Variants in KCNQ1OT1 observed in about 807,000 individuals in gnomAD.
KCNQ1OT1 encodes the protein KCNQ1 antisense RNA 2 (non-protein coding).
At chr11:2,615,982 T>G in exon 1 of KCNQ1OT1, 1 of 398,206 alleles carries the variant, frequency 2.5e-6, no homozygotes, top group Non-Finnish European at 4.4e-6. Flanking sequence ...TGACGCCATC[T>G]GTGTAGCATT....
chr11:2,672,880 G>C (rs1291233870), exon 1 of KCNQ1OT1: 1 of 398,616 alleles, frequency 2.5e-6, no homozygotes, highest in South Asian at 1.3e-4. Context: ...CCACCTGACT[G>C]TCAGGGGAGC....
Position 2,645,959 on chromosome 11 carries a change from G to A in KCNQ1OT1, n.54036C>T, listed in dbSNP as rs1849659346. ...TAGTCTCAAGGCATCTATGGGTCAG[G>A]GGGTTCTCTGACTAGGATTTCAGGA... On this transcript the variant is annotated non_coding_transcript_exon_variant, in exon 1 of 1. Coordinates refer to ENST00000597346, the Ensembl canonical transcript of KCNQ1OT1. The surrounding 1 kb of genome is among the most constrained non-coding windows in gnomAD (Gnocchi z 5.8). 2.5e-6 allele frequency: 1 copy of A among 398,468 alleles called. No individual in the cohort carries two copies. The highest frequency in any genetic ancestry group is 2.1e-5 in the African/African-American group (1 of 48,572). 24.7% of individuals were successfully genotyped at this position (398,468 alleles called of 1,614,324 possible).
In KCNQ1OT1 at chr11:2,659,343, G is replaced by A. The variant is rs1341530845; in HGVS notation, n.40652C>T. On this transcript the variant is annotated non_coding_transcript_exon_variant, in exon 1 of 1. Transcript: ENST00000597346. The surrounding 1 kb of genome is among the most constrained non-coding windows in gnomAD (Gnocchi z 4.3). ...GTTTTTCTAGAATGTCCTATAAATGGGATCCTATAATATGTATTCTTTTGC... is the reference window on the plus strand; with the variant it reads ...GTTTTTCTAGAATGTCCTATAAATGAGATCCTATAATATGTATTCTTTTGC... The A allele has an allele frequency of 2.5e-6, 1 of 398,380 alleles. No homozygotes were observed. Among genetic ancestry groups the A allele is most frequent in the Non-Finnish European group, 4.4e-6 (1 of 226,032 alleles). The allele number at this position is 398,380 out of a possible 1,614,324, so 24.7% of individuals were successfully genotyped here.
exon 1 of KCNQ1OT1, chr11:2,660,932 A>G (rs747400588): frequency 1.8e-5 from 7 of 398,556 alleles, no homozygotes; most frequent in Non-Finnish European, 3.1e-5. Context: ...CTGAATGTCC[A>G]TGATATACAG....
chr11:2,668,741 T>G lies in KCNQ1OT1; in HGVS notation n.31254A>C. On this transcript the variant is annotated non_coding_transcript_exon_variant, in exon 1 of 1. Coordinates refer to ENST00000597346, the Ensembl canonical transcript of KCNQ1OT1. This position sits in a 1 kb window ranked among gnomAD's most constrained non-coding sequence, Gnocchi z 4.3. ...ACACATTGCAAATATCGCCTCCCCC[T>G]CTGCAGGCTGCCTTCTTCCTCTCTT... 2.5e-6 allele frequency: 1 copy of G among 398,596 alleles called. No homozygotes were observed. Among genetic ancestry groups the G allele is most frequent in the Non-Finnish European group, 4.4e-6 (1 of 226,054 alleles). The allele number at this position is 398,596 out of a possible 1,614,324, so 24.7% of individuals were successfully genotyped here. A position where few individuals can be genotyped will look rare whatever the true frequency, so the allele number is the denominator to read the frequency against.
exon 1 of KCNQ1OT1, chr11:2,693,370 C>T (rs1850620327): frequency 2.5e-6 from 1 of 398,766 alleles, no homozygotes; most frequent in Non-Finnish European, 4.4e-6. Context: ...CCGAGTCTGG[C>T]CAAGCAGCAG....
chr11:2,647,037 T>G lies in KCNQ1OT1; in HGVS notation n.52958A>C. The G allele has an allele frequency of 2.5e-6, 1 of 398,630 alleles. No homozygotes were observed. Among genetic ancestry groups the G allele is most frequent in the Non-Finnish European group, 4.4e-6 (1 of 226,060 alleles). The allele number at this position is 398,630 out of a possible 1,614,324, so 24.7% of individuals were successfully genotyped here. A position where few individuals can be genotyped will look rare whatever the true frequency, so the allele number is the denominator to read the frequency against. On this transcript the variant is annotated non_coding_transcript_exon_variant, in exon 1 of 1. Coordinates refer to ENST00000597346, the Ensembl canonical transcript of KCNQ1OT1. This position sits in a 1 kb window ranked among gnomAD's most constrained non-coding sequence, Gnocchi z 4.0. ...TTCTTACTCTGCTGAATAAGAATAG[T>G]GAAAGTGGGCATCCTTGTCTTGTTC...
chr11:2,697,292 C>T (rs778384129), exon 1 of KCNQ1OT1: 2 of 398,562 alleles, frequency 5.0e-6, no homozygotes, highest in Admixed American at 4.4e-5. Context: ...AGTCGTAACA[C>T]CAAAATGTTT....
At chr11:2,697,135 A>C in exon 1 of KCNQ1OT1, 1 of 398,612 alleles carries the variant, frequency 2.5e-6, no homozygotes, top group Non-Finnish European at 4.4e-6. Context: ...CAGAGGCAGC[A>C]CACCATGACC....
At chr11:2,637,400 T>G (rs890266353) in exon 1 of KCNQ1OT1, 1 of 152,252 alleles carries the variant, frequency 6.6e-6, no homozygotes, top group Non-Finnish European at 1.5e-5. Context: ...CTCATTGGTT[T>G]CAAAGAACAT....
At chr11:2,696,761 A>G (rs1850683364) in exon 1 of KCNQ1OT1, 4 of 398,476 alleles carry the variant, frequency 1.0e-5, no homozygotes, top group Middle Eastern at 6.2e-4. Context: ...TTTTTCCATA[A>G]AAGTCGTCGT....
rs1396599729 is a variant in KCNQ1OT1 at position 2,647,600 on chromosome 11, G to A, written n.52395C>T. ...ATGTTAGTTCTTTAAAGGTTTGGTA[G>A]AATTCAGTAGAAAACCCGTGCAATC... is the stretch of plus-strand genomic sequence containing the variant. On this transcript the variant is annotated non_coding_transcript_exon_variant, in exon 1 of 1. Transcript: ENST00000597346. This position sits in a 1 kb window ranked among gnomAD's most constrained non-coding sequence, Gnocchi z 4.0. 1 of 398,424 alleles carries A rather than the reference G, an allele frequency of 2.5e-6. No individual in the cohort carries two copies. Among genetic ancestry groups the A allele is most frequent in the East Asian group, 3.6e-5 (1 of 28,066 alleles). 24.7% of individuals were successfully genotyped at this position (398,424 alleles called of 1,614,324 possible).
Position 2,654,929 on chromosome 11 carries a change from A to T in KCNQ1OT1, n.45066T>A. On this transcript the variant is annotated non_coding_transcript_exon_variant, in exon 1 of 1. Coordinates refer to ENST00000597346, the Ensembl canonical transcript of KCNQ1OT1. This position sits in a 1 kb window ranked among gnomAD's most constrained non-coding sequence, Gnocchi z 6.4. ...TCGTGGGCCAGAGAGCAAGGCACAG[A>T]TACAGGAGACTTCCACAAATTATTG... The T allele has an allele frequency of 2.5e-6, 1 of 398,642 alleles. No individual in the cohort carries two copies. Among genetic ancestry groups the T allele is most frequent in the Non-Finnish European group, 4.4e-6 (1 of 226,076 alleles). 24.7% of individuals were successfully genotyped at this position (398,642 alleles called of 1,614,324 possible).
In KCNQ1OT1 at chr11:2,617,203, CCTTTGACCTACAT is replaced by C. The variant is rs1257462921; in HGVS notation, n.82779_82791del. On this transcript the variant is annotated non_coding_transcript_exon_variant, in exon 1 of 1. Coordinates refer to ENST00000597346, the Ensembl canonical transcript of KCNQ1OT1. The surrounding 1 kb of genome is among the most constrained non-coding windows in gnomAD (Gnocchi z 4.6). ...ATCCTATATATCTGCTACTTGGTAT[CCTTTGACCTACAT>C]CTTTCCATTTTCTTCCCCCACACCT... 3 of 398,300 alleles carry C rather than the reference CCTTTGACCTACAT, an allele frequency of 7.5e-6. No individual in the cohort carries two copies. Among genetic ancestry groups the C allele is most frequent in the African/African-American group, 6.2e-5 (3 of 48,712 alleles). The allele number at this position is 398,300 out of a possible 1,614,324, so 24.7% of individuals were successfully genotyped here. A position where few individuals can be genotyped will look rare whatever the true frequency, so the allele number is the denominator to read the frequency against.
rs1249658715 is a variant in KCNQ1OT1, at chr11:2,621,658, A to G, written n.78337T>C. On this transcript the variant is annotated non_coding_transcript_exon_variant, in exon 1 of 1. Coordinates refer to ENST00000597346, the Ensembl canonical transcript of KCNQ1OT1. The surrounding 1 kb of genome is among the most constrained non-coding windows in gnomAD (Gnocchi z 5.7). ...TTGTCCATTTCCTCTAGGTTATCCA[A>G]TTTGTTGGGATATAATTGTTCATAA... is the stretch of plus-strand genomic sequence containing the variant. 5.0e-6 allele frequency: 2 copies of G among 398,168 alleles called. No individual in the cohort carries two copies. Among genetic ancestry groups the G allele is most frequent in the Non-Finnish European group, 8.9e-6 (2 of 225,962 alleles). The allele number at this position is 398,168 out of a possible 1,614,324, so 24.7% of individuals were successfully genotyped here. A position where few individuals can be genotyped will look rare whatever the true frequency, so the allele number is the denominator to read the frequency against.
exon 1 of KCNQ1OT1, chr11:2,644,519 T>A (rs1414455971): frequency 2.5e-6 from 1 of 398,540 alleles, no homozygotes; most frequent in East Asian, 3.6e-5. Flanking sequence ...AGATCTTCTT[T>A]AATATTATAT....
At chr11:2,619,029 C>T (rs189564113) in exon 1 of KCNQ1OT1, 1 of 398,316 alleles carries the variant, frequency 2.5e-6, no homozygotes, top group East Asian at 3.6e-5. Context: ...ATTTTATATC[C>T]TACAACTTTA....
exon 1 of KCNQ1OT1, chr11:2,692,388 AT>A: frequency 2.5e-6 from 1 of 398,770 alleles, no homozygotes; most frequent in Non-Finnish European, 4.4e-6. Context: ...CCCCTGCCCC[AT>A]TCCAATCAAT....
In KCNQ1OT1 at chr11:2,698,381, CCA is replaced by C; in HGVS notation, n.1612_1613del. On this transcript the variant is annotated non_coding_transcript_exon_variant, in exon 1 of 1. Coordinates refer to ENST00000597346, the Ensembl canonical transcript of KCNQ1OT1. This position sits in a 1 kb window ranked among gnomAD's most constrained non-coding sequence, Gnocchi z 5.1. Reference sequence around the variant, plus strand: ...AAAGGCTATTTGACCTGCTCAGGGACCACAGTGGGGTACTGGGATCTGAACAT... The same window carrying C: ...AAAGGCTATTTGACCTGCTCAGGGACCAGTGGGGTACTGGGATCTGAACAT... 1 of 398,570 alleles carries C rather than the reference CCA, an allele frequency of 2.5e-6. No individual in the cohort carries two copies. The highest frequency in any genetic ancestry group is 3.6e-5 in the East Asian group (1 of 28,076). The allele number at this position is 398,570 out of a possible 1,614,324, so 24.7% of individuals were successfully genotyped here.
Sources: gnomAD v4.1 joint callset for allele counts on GRCh38, gnomAD v4.1.1 for gene constraint, Gnocchi (gnomAD v3.1) non-coding constraint, MANE v1.5 for transcripts, NCBI Gene and HGNC (gene_info 2026-07-23, HGNC 2026-07-21) for gene names.